Variants in TLN1 observed in about 807,000 individuals in gnomAD.
TLN1 encodes the protein talin 1, also known as talin-1.
TLN1 carries 56 observed loss-of-function variants against 292.3 expected under a neutral mutation model. The observed-to-expected ratio is 0.19, with a 90% CI of 0.15 to 0.24. TLN1 has a LOEUF of 0.24. Among genes scored for constraint, TLN1 ranks in the 10% least tolerant of loss-of-function variants. The probability of loss-of-function intolerance (pLI) is 1.00; values close to 1 mark genes in which losing one functional copy is unlikely to be tolerated. For synonymous variants in TLN1, 1,119 were observed against 1,253.7 expected (o/e 0.89, Z 2.27); for missense variants, 2,433 against 3,248.2 (o/e 0.75, Z 6.10).
intron 25 of TLN1, 89 bp from the exon 26 acceptor site, chr9:35,713,387 T>A: frequency 9.4e-7 from 1 of 1,066,806 alleles, no homozygotes; most frequent in Non-Finnish European, 1.3e-6. Context: ...GGTGGCAATT[T>A]AAATAAATGT....
chr9:35,702,793 G>A (rs971827423), intron 48 of TLN1, among the ~76,000 whole-genome samples: 11 of 151,990 alleles, frequency 7.2e-5, no homozygotes, highest in Non-Finnish European at 1.0e-4. Context: ...AAGTGCTGGC[G>A]TGAGCCACCA....
At chr9:35,703,417 CT>C (rs1825502877) in intron 48 of TLN1, 142 bp downstream of exon 48, 1 of 759,338 alleles carries the variant, frequency 1.3e-6, no homozygotes, top group Non-Finnish European at 2.2e-6. Flanking sequence ...GAGCAAGACC[CT>C]TCTCAAAAAA....
intron 43 of TLN1, 49 bp downstream of exon 43, chr9:35,705,502 C>G: frequency 6.6e-7 from 1 of 1,525,216 alleles, no homozygotes; most frequent in Non-Finnish European, 8.8e-7. Context: ...GACACTGACA[C>G]ATCAGGAACA....
In TLN1 at chr9:35,707,289, A is replaced by C; in HGVS notation, c.4774-36T>G. The C allele has an allele frequency of 6.2e-7, 1 of 1,606,516 alleles. No homozygotes were observed. Among genetic ancestry groups the C allele is most frequent in the Non-Finnish European group, 8.5e-7 (1 of 1,174,442 alleles). ...GGGAGGCAGGAAGGTAAGTCTCAGG[A>C]GTCCCTGGAAGATGAGGTGATAAGC... On this transcript the variant is annotated intron_variant, in intron 36 of 56. Coordinates refer to ENST00000314888, the MANE Select transcript of TLN1 (RefSeq NM_006289.4). This position sits in a 1 kb window ranked among gnomAD's most constrained non-coding sequence, Gnocchi z 5.6.
At chr9:35,722,977 G>A in intron 7 of TLN1, 56 bp from the exon 8 acceptor site, 5 of 1,519,802 alleles carry the variant, frequency 3.3e-6, no homozygotes, top group Non-Finnish European at 4.6e-6. Context: ...GGACATGTGG[G>A]CCATGAACTG....
At chr9:35,720,755 T>C in intron 11 of TLN1, 57 bp downstream of exon 11, 2 of 1,523,862 alleles carry the variant, frequency 1.3e-6, no homozygotes, top group Non-Finnish European at 1.8e-6. Flanking sequence ...TCTAAAGGAC[T>C]GGCTTGTGGA....
At chr9:35,718,514 G>A (rs1400275739) in intron 17 of TLN1, among the ~76,000 whole-genome samples, 4 of 152,156 alleles carry the variant, frequency 2.6e-5, no homozygotes, top group Admixed American at 2.6e-4. Flanking sequence ...CTATAGCATT[G>A]TGGGGGGTCC....
chr9:35,719,508 A>G lies in TLN1; in HGVS notation c.1687+11T>C. The G allele has an allele frequency of 1.9e-6, 3 of 1,608,686 alleles. No homozygotes were observed. Among genetic ancestry groups the G allele is most frequent in the Non-Finnish European group, 1.7e-6 (2 of 1,175,322 alleles). The stretch of plus-strand genomic sequence containing the variant: ...CCCCATCACACACCCGGAAGCTAGC[A>G]TCCGGCCTACCTGCTGTCAGGTTCA... On this transcript the variant is annotated intron_variant, in intron 15 of 56. Coordinates refer to ENST00000314888, the MANE Select transcript of TLN1 (RefSeq NM_006289.4). This position sits in a 1 kb window ranked among gnomAD's most constrained non-coding sequence, Gnocchi z 4.6.
chr9:35,723,039 A>G, intron 7 of TLN1, 118 bp from the exon 8 acceptor site: 1 of 815,186 alleles, frequency 1.2e-6, no homozygotes, highest in Non-Finnish European at 2.0e-6. Flanking sequence ...TTTGGGGAGA[A>G]AAAAGACTCT....
intron 30 of TLN1, 84 bp from the exon 31 acceptor site, chr9:35,711,166 C>T (rs1194310900): frequency 9.9e-6 from 16 of 1,610,188 alleles, no homozygotes; most frequent in African/African-American, 1.3e-5. Flanking sequence ...TTGCCTATAA[C>T]CATTCCTAAG....
Position 35,704,814 on chromosome 9 carries a change from A to C in TLN1, c.5735T>G (p.Ile1912Arg). ...TACCCGGTGTTTGATATGGGAACCT[A>C]TCTGTGAGCCAAGGGAAAGACAGAT... is the stretch of plus-strand genomic sequence containing the variant. ...PAAVAAENEE[I>R]GSHIKHRVQE... The change falls in exon 44 of 57, where the codon ATA (isoleucine) becomes AGA (arginine). Residue 1912 changes from isoleucine (I) to arginine (R), a missense_variant and splice_region_variant. Physicochemically the swap from Ile to Arg is moderately conservative, Grantham distance 97. This residue lies in a region of TLN1 where 1,384 missense variants were observed against 1,699.6 expected (regional missense o/e 0.81). Transcript: ENST00000314888. The surrounding 1 kb of genome is among the most constrained non-coding windows in gnomAD (Gnocchi z 6.9). 1.2e-6 allele frequency: 2 copies of C among 1,613,080 alleles called. No homozygotes were observed. Among genetic ancestry groups the C allele is most frequent in the Non-Finnish European group, 1.7e-6 (2 of 1,179,174 alleles).
rs1367277686 is a variant in TLN1 at position 35,707,762 on chromosome 9, T to C, written c.4601A>G (p.Asn1534Ser). 8 of 1,614,170 alleles carry C rather than the reference T, an allele frequency of 5.0e-6. No individual in the cohort carries two copies. In the Admixed American group the frequency reaches 1.0e-4, roughly 20 times the overall value. The change falls in exon 35 of 57, where the codon AAC becomes AGC. Residue 1534 changes from asparagine to serine, a missense_variant. By Grantham distance (46) the Asn-to-Ser change is conservative. Around this residue, in one of 7 missense-constraint regions of TLN1, gnomAD observed 1,384 missense variants for 1,699.6 expected, o/e 0.81. Coordinates refer to ENST00000314888, the MANE Select transcript of TLN1 (RefSeq NM_006289.4). This position sits in a 1 kb window ranked among gnomAD's most constrained non-coding sequence, Gnocchi z 5.6. ...QFVQSAKEVA[N>S]STANLVKTIK... ...GGTCTTGACAAGATTAGCTGTGCTG[T>C]TGGCCACCTCCTTGGCTGACTGTAC...
chr9:35,705,681 T>C lies in TLN1; in HGVS notation c.5614-11A>G, dbSNP rs372779373. The C allele has an allele frequency of 2.2e-5, 35 of 1,612,514 alleles. No individual in the cohort carries two copies. Among genetic ancestry groups the C allele is most frequent in the Non-Finnish European group, 3.0e-5 (35 of 1,178,704 alleles). On this transcript the variant is annotated splice_polypyrimidine_tract_variant and intron_variant, in intron 42 of 56. Transcript: ENST00000314888. ...GTTTGACTTGGTAACCTGGTGATAATGGAACGAGTGAAGTTATATCCAAAG... is the reference window on the plus strand; with the variant it reads ...GTTTGACTTGGTAACCTGGTGATAACGGAACGAGTGAAGTTATATCCAAAG...
Position 35,717,558 on chromosome 9 carries a change from G to A in TLN1, c.2163+61C>T, listed in dbSNP as rs1295879912. 3.8e-6 allele frequency: 6 copies of A among 1,582,476 alleles called. No individual in the cohort carries two copies. The African/African-American group carries it at 8.1e-5, about 21-fold the overall frequency. On this transcript the variant is annotated intron_variant, in intron 18 of 56. Coordinates refer to ENST00000314888, the MANE Select transcript of TLN1 (RefSeq NM_006289.4). The surrounding 1 kb of genome is among the most constrained non-coding windows in gnomAD (Gnocchi z 4.7). ...CAGAGCCAAAGAAATAAAATGAAAG[G>A]CTCACGTGTGTGTGGTAGTATTACC...
At position 35,699,984 on chromosome 9, in the gene TLN1, T is replaced by C. The variant is rs760753833; in HGVS notation, c.6758A>G (p.His2253Arg). Residue 2253 changes from histidine to arginine, a missense_variant, in exon 50 of 57, where the codon CAT (histidine) becomes CGT (arginine). His to Arg is a conservative substitution (Grantham distance 29). Coordinates refer to ENST00000314888, the MANE Select transcript of TLN1 (RefSeq NM_006289.4). This position sits in a 1 kb window ranked among gnomAD's most constrained non-coding sequence, Gnocchi z 4.0. ...AACGCCCTCCCTTACCAGCAGTACA[T>C]GGTCCAGCAGTTCCAGGTAGCCATT... ...CANGYLELLD[H>R]VLLTLQKPSP... 5 of 1,611,896 alleles carry C rather than the reference T, an allele frequency of 3.1e-6. No individual in the cohort carries two copies. Among genetic ancestry groups the C allele is most frequent in the Non-Finnish European group, 3.4e-6 (4 of 1,178,558 alleles).
In TLN1 at chr9:35,717,373, G is replaced by A; in HGVS notation, c.2231C>T (p.Ala744Val). ...EQLVEAGRLV[A>V]KAVEGCVSAS... ...AGACACACAGCCCTCCACGGCTTTG[G>A]CTACCAGTCGTCCAGCCTCCACCAG... The change falls in exon 19 of 57, where the codon GCC (alanine) becomes GTC (valine). Residue 744 changes from alanine to valine, a missense_variant. Ala to Val is a moderately conservative substitution (Grantham distance 64). Around this residue, in one of 7 missense-constraint regions of TLN1, gnomAD observed 617 missense variants for 770.6 expected, o/e 0.80. Transcript: ENST00000314888. The surrounding 1 kb of genome is among the most constrained non-coding windows in gnomAD (Gnocchi z 4.7). The A allele has an allele frequency of 6.2e-7, 1 of 1,614,180 alleles. No homozygotes were observed. Among genetic ancestry groups the A allele is most frequent in the Non-Finnish European group, 8.5e-7 (1 of 1,180,042 alleles).
In TLN1 at chr9:35,703,606, G is replaced by A. The variant is rs144785896; in HGVS notation, c.6428C>T (p.Thr2143Ile). The part of the protein sequence containing the change: ...KAVEDEATKG[T>I]RALEATTEHI... The stretch of plus-strand genomic sequence containing the variant: ...TTCTGTGGTTGCCTCCAGGGCCCGA[G>A]TGCCTTTGGTGGCCTCATCTTCCAC... The change falls in exon 48 of 57, where the codon ACT (threonine) becomes ATT (isoleucine). Residue 2143 changes from threonine to isoleucine, a missense_variant. Coordinates refer to ENST00000314888, the MANE Select transcript of TLN1 (RefSeq NM_006289.4). 2 of 1,614,188 alleles carry A rather than the reference G, an allele frequency of 1.2e-6. No homozygotes were observed. Among genetic ancestry groups the A allele is most frequent in the African/African-American group, 2.7e-5 (2 of 75,028 alleles).
rs1825427069 is a variant in TLN1, at chr9:35,699,553, T to A, written c.6769-92A>T. 1 of 1,485,202 alleles carries A rather than the reference T, an allele frequency of 6.7e-7. No homozygotes were observed. Among genetic ancestry groups the A allele is most frequent in the Non-Finnish European group, 9.0e-7 (1 of 1,114,072 alleles). The allele number at this position is 1,485,202 out of a possible 1,614,324, so 92.0% of individuals were successfully genotyped here. On this transcript the variant is annotated intron_variant, in intron 50 of 56. Transcript: ENST00000314888. The surrounding 1 kb of genome is among the most constrained non-coding windows in gnomAD (Gnocchi z 4.0). ...GGGCAGACCATGGCCCCCTCACCCCTATCCCTAGAGCACTCCACACCATAG... is the reference window on the plus strand; with the variant it reads ...GGGCAGACCATGGCCCCCTCACCCCAATCCCTAGAGCACTCCACACCATAG...
At chr9:35,720,786 A>G (rs754305632) in intron 11 of TLN1, 26 bp downstream of exon 11, 1 of 1,604,850 alleles carries the variant, frequency 6.2e-7, no homozygotes, top group Non-Finnish European at 8.5e-7. Context: ...GGCGATAAGG[A>G]GAAGGCTAGG....
Sources: allele counts gnomAD v4.1 joint callset (sites outside exome capture counted in the v4.1 genomes callset), GRCh38; gene constraint gnomAD v4.1.1; regional missense constraint gnomAD v4.1.1; non-coding constraint Gnocchi (gnomAD v3.1); transcripts MANE v1.5; gene names NCBI Gene and HGNC (gene_info 2026-07-23, HGNC 2026-07-21).